Variants in AGBL1 observed in about 807,000 individuals in gnomAD.
AGBL1 encodes the protein AGBL carboxypeptidase 1.
In AGBL1, 130 loss-of-function variants were observed where a neutral mutation model predicts 118.9. The observed-to-expected ratio is 1.09, with a 90% CI of 0.95 to 1.26. AGBL1 has a LOEUF of 1.26. AGBL1 is among the 50% of genes most tolerant of loss of function. AGBL1 has a pLI of 0.00. For missense variants in AGBL1, 1,584 were observed against 1,298.1 expected, an observed-to-expected ratio of 1.22 and a Z score of -3.38; for synonymous variants, 555 against 478.9, an observed-to-expected ratio of 1.16 and a Z score of -2.08.
chr15:86,702,936 T>C (rs1277800587), intron 22 of AGBL1, among the ~76,000 whole-genome samples: 1 of 151,972 alleles, frequency 6.6e-6, no homozygotes, highest in Admixed American at 6.6e-5. Flanking sequence ...AAAAGAAATA[T>C]AATTCGAAGA....
At chr15:86,559,879 G>A (rs2083789572) in intron 21 of AGBL1, among the ~76,000 whole-genome samples, 1 of 152,158 alleles carries the variant, frequency 6.6e-6, no homozygotes, top group Non-Finnish European at 1.5e-5. Flanking sequence ...GGCTTTGGAA[G>A]CAGGAGACCC....
chr15:87,010,915 CCTGA>C (rs1334614765), intron 24 of AGBL1, among the ~76,000 whole-genome samples: 1 of 152,180 alleles, frequency 6.6e-6, no homozygotes, highest in Non-Finnish European at 1.5e-5. Context: ...TCTGGAAAAT[CCTGA>C]CTAATACATC....
At chr15:86,936,135 A>T (rs1195752739) in intron 23 of AGBL1, among the ~76,000 whole-genome samples, 1 of 152,166 alleles carries the variant, frequency 6.6e-6, no homozygotes, top group Non-Finnish European at 1.5e-5. Context: ...AGTGCCACTA[A>T]GTGCACACCA....
chr15:86,137,529 C>T (rs531058443), intron 1 of AGBL1, among the ~76,000 whole-genome samples: 2 of 152,238 alleles, frequency 1.3e-5, no homozygotes, highest in South Asian at 2.1e-4. Context: ...TACCAGTCAC[C>T]GAGGACCCAA....
At chr15:86,528,398 A>G (rs890402414) in intron 19 of AGBL1, among the ~76,000 whole-genome samples, 9 of 152,160 alleles carry the variant, frequency 5.9e-5, no homozygotes, top group Non-Finnish European at 1.0e-4. Flanking sequence ...CGCTTTTCAG[A>G]CCTGCTTAAA....
At chr15:86,239,596 C>T (rs1452839493) in intron 6 of AGBL1, among the ~76,000 whole-genome samples, 5 of 152,082 alleles carry the variant, frequency 3.3e-5, no homozygotes, top group African/African-American at 1.2e-4. Flanking sequence ...TAAAGAAGTC[C>T]CCAAAACATC....
At chr15:86,851,415 C>G (rs1388747456) in intron 22 of AGBL1, among the ~76,000 whole-genome samples, 2 of 152,066 alleles carry the variant, frequency 1.3e-5, no homozygotes, top group Non-Finnish European at 2.9e-5. Flanking sequence ...ACAGAAAGGT[C>G]CATCACCTGG....
intron 22 of AGBL1, among the ~76,000 whole-genome samples, chr15:86,829,731 C>T (rs2079077605): frequency 6.6e-6 from 1 of 152,120 alleles, no homozygotes; most frequent in Non-Finnish European, 1.5e-5. Context: ...GATATAGTCA[C>T]AGACCTGTAG....
intron 6 of AGBL1, among the ~76,000 whole-genome samples, chr15:86,244,128 TAAAA>T (rs146217051): frequency 6.6e-6 from 1 of 151,188 alleles, no homozygotes; most frequent in Non-Finnish European, 1.5e-5. Flanking sequence ...TTTAGAAACT[TAAAA>T]AAAATTAAGC....
intron 17 of AGBL1, among the ~76,000 whole-genome samples, chr15:86,384,392 G>A (rs1377240217): frequency 1.3e-5 from 2 of 152,126 alleles, no homozygotes; most frequent in East Asian, 3.9e-4. Flanking sequence ...ATAGATTGAT[G>A]GGGGCGGGTG....
chr15:86,113,811 G>T (rs1438140203), intron 1 of AGBL1, among the ~76,000 whole-genome samples: 1 of 152,204 alleles, frequency 6.6e-6, no homozygotes, highest in African/African-American at 2.4e-5. Flanking sequence ...TACTAGGCAA[G>T]TTTGAGCTTT....
intron 17 of AGBL1, among the ~76,000 whole-genome samples, chr15:86,319,761 T>G (rs76415042): frequency 7.9e-6 from 1 of 126,686 alleles, no homozygotes; most frequent in African/African-American, 3.0e-5. Context: ...TTTTTTTTTT[T>G]TTTTTTTTTT....
At chr15:86,399,084 C>T (rs969297160) in intron 18 of AGBL1, among the ~76,000 whole-genome samples, 2 of 152,136 alleles carry the variant, frequency 1.3e-5, no homozygotes, top group African/African-American at 4.8e-5. Context: ...ACTGATTGGC[C>T]TTTAAGCACA....
At chr15:86,750,372 A>T (rs922416529) in intron 22 of AGBL1, among the ~76,000 whole-genome samples, 1 of 152,042 alleles carries the variant, frequency 6.6e-6, no homozygotes, top group Non-Finnish European at 1.5e-5. Flanking sequence ...AGGGTAATTG[A>T]CATTTTATTT....
chr15:86,351,187 G>A (rs74027512), intron 17 of AGBL1, among the ~76,000 whole-genome samples: 5,727 of 152,178 alleles, frequency 0.038, 347 homozygotes, highest in African/African-American at 0.13. Context: ...TCTTAGAAGG[G>A]TCTTCTTCTT....
chr15:86,990,819 G>C, intron 24 of AGBL1, among the ~76,000 whole-genome samples: 1 of 152,190 alleles, frequency 6.6e-6, no homozygotes, highest in East Asian at 1.9e-4. Context: ...AGCAAGGACA[G>C]GGAGGGAGAG....
chr15:86,628,273 G>A (rs146845559), intron 21 of AGBL1, among the ~76,000 whole-genome samples: 2 of 152,186 alleles, frequency 1.3e-5, no homozygotes, highest in Admixed American at 1.3e-4. Flanking sequence ...CAGGTTCAGT[G>A]ATCATGCTTT....
intron 21 of AGBL1, among the ~76,000 whole-genome samples, chr15:86,555,305 A>G (rs2083718895): frequency 6.6e-6 from 1 of 152,152 alleles, no homozygotes; most frequent in Admixed American, 6.6e-5. Context: ...TTCAACCCTA[A>G]GAATACCTGG....
rs558686917 is a variant in AGBL1 at position 86,951,889 on chromosome 15, G to A, written c.3222-36098G>A. On this transcript the variant is annotated intron_variant, in intron 23 of 24. Transcript: ENST00000441037. The stretch of plus-strand genomic sequence containing the variant: ...ACCATTTTATCATTATGAAATGACT[G>A]TATATATGGTAACATTGTTTCCATG... Among the ~76,000 whole-genome samples, 3 of 152,190 alleles carry A rather than the reference G, an allele frequency of 2.0e-5. No individual in the cohort carries two copies. In the East Asian group the frequency reaches 5.8e-4, roughly 29 times the overall value.
Sources: gnomAD v4.1 joint callset for allele counts (sites outside exome capture counted in the v4.1 genomes callset) on GRCh38, gnomAD v4.1.1 for gene constraint, MANE v1.5 for transcripts, NCBI Gene and HGNC (gene_info 2026-07-23, HGNC 2026-07-21) for gene names.